SF3B1: variants seen among roughly 807,000 people sequenced by gnomAD.
The protein encoded by SF3B1 is splicing factor 3b subunit 1.
In SF3B1, 12 loss-of-function variants were observed where a neutral mutation model predicts 153.8. The observed-to-expected ratio is 0.08, with a 90% CI of 0.05 to 0.13. The LOEUF is 0.13. Among genes scored for constraint, SF3B1 ranks in the 10% least tolerant of loss-of-function variants. The probability of loss-of-function intolerance (pLI) is 1.00; values close to 1 mark genes in which losing one functional copy is unlikely to be tolerated. For synonymous variants in SF3B1, 498 were observed against 525.2 expected (o/e 0.95, Z 0.71); for missense variants, 513 against 1,606.1 (o/e 0.32, Z 11.63).
At chr2:197,405,005 C>CAAA (rs1347087441) in intron 11 of SF3B1, 71 bp downstream of exon 11, 95 of 1,124,686 alleles carry the variant, frequency 8.4e-5, no homozygotes, top group Non-Finnish European at 1.2e-4. Context: ...CCTGTCTCTA[C>CAAA]AAAAACTACA....
intron 4 of SF3B1, chr2:197,419,962 TTAAG>T: frequency 9.0e-6 from 2 of 223,100 alleles, no homozygotes; most frequent in Non-Finnish European, 1.8e-5. Flanking sequence ...TGTTTTAACT[TTAAG>T]TATGCTTAGA....
At chr2:197,392,551 A>C in intron 24 of SF3B1, 90 bp from the exon 25 acceptor site, 2 of 233,956 alleles carry the variant, frequency 8.5e-6, no homozygotes, top group Non-Finnish European at 1.5e-5. Flanking sequence ...ATGATTCAAA[A>C]TTATTTCCCT....
At chr2:197,414,332 A>G (rs2085116301) in intron 6 of SF3B1, among the ~76,000 whole-genome samples, 1 of 152,238 alleles carries the variant, frequency 6.6e-6, no homozygotes, top group Non-Finnish European at 1.5e-5. Flanking sequence ...CAAACGGTAC[A>G]TAAAGACAAG....
chr2:197,417,575 T>TAA (rs56204414), intron 5 of SF3B1, among the ~76,000 whole-genome samples: 4,656 of 99,690 alleles, frequency 0.047, 300 homozygotes, highest in African/African-American at 0.16. Context: ...CCACCTCTAC[T>TAA]AAAAAAAAAA....
chr2:197,411,588 T>C lies in SF3B1; in HGVS notation c.667-1581A>G, dbSNP rs181470131. 7.5e-3 allele frequency among the ~76,000 whole-genome samples: 1,136 copies of C among 150,964 alleles called. 4 individuals are homozygous for C. Among genetic ancestry groups the C allele is most frequent in the South Asian group, 0.025 (121 of 4,774 alleles). ...TCGGGAGGCTGAGGCAGGAGAATGGTGTGAACCCGGGAGGCAGAGTTTGCA... is the reference window on the plus strand; with the variant it reads ...TCGGGAGGCTGAGGCAGGAGAATGGCGTGAACCCGGGAGGCAGAGTTTGCA... On this transcript the variant is annotated intron_variant, in intron 6 of 24. Coordinates refer to ENST00000335508, the MANE Select transcript of SF3B1 (RefSeq NM_012433.4).
intron 1 of SF3B1, among the ~76,000 whole-genome samples, chr2:197,427,439 T>A (rs2085352159): frequency 6.6e-6 from 1 of 152,230 alleles, no homozygotes; most frequent in Non-Finnish European, 1.5e-5. Flanking sequence ...TCAGATTCCA[T>A]AAAACTCAGC....
chr2:197,412,338 T>TTTAA (rs562485125), intron 6 of SF3B1, among the ~76,000 whole-genome samples: 4,581 of 116,602 alleles, frequency 0.039, 82 homozygotes, highest in Non-Finnish European at 0.048. Flanking sequence ...GAGTCTCTGA[T>TTTAA]TTAATTTATT....
intron 6 of SF3B1, among the ~76,000 whole-genome samples, chr2:197,412,759 T>C (rs190895294): frequency 1.4e-5 from 2 of 147,420 alleles, no homozygotes; most frequent in Admixed American, 1.3e-4. Context: ...CCAAGGCGGG[T>C]GGGTCACCTG....
chr2:197,416,549 C>T, intron 6 of SF3B1, 192 bp downstream of exon 6: 1 of 518,876 alleles, frequency 1.9e-6, no homozygotes, highest in South Asian at 3.0e-5. Flanking sequence ...GCAAGAAAGC[C>T]CTCAACAAAC....
chr2:197,408,651 C>T, intron 7 of SF3B1, 70 bp from the exon 8 acceptor site: 1 of 1,044,466 alleles, frequency 9.6e-7, no homozygotes. Context: ...TATTCTCAAA[C>T]AGTTATACTC....
At chr2:197,406,373 T>A (rs1433434719) in intron 9 of SF3B1, among the ~76,000 whole-genome samples, 7 of 152,156 alleles carry the variant, frequency 4.6e-5, no homozygotes, top group Non-Finnish European at 1.0e-4. Context: ...TAAATTTATA[T>A]TGATGCTATC....
At chr2:197,407,916 A>G in intron 9 of SF3B1, 82 bp downstream of exon 9, 12 of 1,312,406 alleles carry the variant, frequency 9.1e-6, no homozygotes, top group Non-Finnish European at 1.3e-5. Flanking sequence ...GGGCAAAGCC[A>G]ATGCAAGCTT....
At chr2:197,395,976 C>T in intron 23 of SF3B1, 80 bp downstream of exon 23, 1 of 1,273,974 alleles carries the variant, frequency 7.8e-7, no homozygotes, top group African/African-American at 1.5e-5. Context: ...AGTAAAAAGT[C>T]ATCTAATAAC....
chr2:197,421,332 T>C (rs1454561437), intron 2 of SF3B1, among the ~76,000 whole-genome samples, 199 bp from the exon 3 acceptor site: 1 of 152,252 alleles, frequency 6.6e-6, no homozygotes, highest in Non-Finnish European at 1.5e-5. Context: ...AAGTTATCTT[T>C]ACTTTTAAAA....
chr2:197,398,904 A>G (rs1243962043), intron 20 of SF3B1: 1 of 515,608 alleles, frequency 1.9e-6, no homozygotes, highest in Non-Finnish European at 3.7e-6. Flanking sequence ...CCGGCCATAC[A>G]CAACAATATA....
intron 23 of SF3B1, among the ~76,000 whole-genome samples, chr2:197,395,001 GTTTTTCCTATTTATTTT>G (rs2084859665): frequency 1.3e-5 from 2 of 152,108 alleles, no homozygotes; most frequent in African/African-American, 4.8e-5. Flanking sequence ...TAATATTCTT[GTTTTTCCTATTTATTTT>G]AATAATGTCA....
intron 21 of SF3B1, 46 bp from the exon 22 acceptor site, chr2:197,398,162 G>C (rs529021129): frequency 6.6e-7 from 1 of 1,510,228 alleles, no homozygotes; most frequent in Non-Finnish European, 9.1e-7. Context: ...ATTAAGAAAA[G>C]TTTTAAGGAT....
At chr2:197,393,239 G>T in intron 23 of SF3B1, 51 bp from the exon 24 acceptor site, 2 of 1,197,822 alleles carry the variant, frequency 1.7e-6, no homozygotes, top group Non-Finnish European at 1.2e-6. Context: ...ATAAGAAAGG[G>T]GGAAAAATCC....
At chr2:197,426,424 T>C (rs2085338209) in intron 1 of SF3B1, among the ~76,000 whole-genome samples, 2 of 151,990 alleles carry the variant, frequency 1.3e-5, no homozygotes, top group Non-Finnish European at 2.9e-5. Flanking sequence ...GCCTCCCAAA[T>C]AGTTGGGATT....
Sources: allele counts gnomAD v4.1 joint callset (sites outside exome capture counted in the v4.1 genomes callset), GRCh38; gene constraint gnomAD v4.1.1; transcripts MANE v1.5; gene names NCBI Gene and HGNC (gene_info 2026-07-23, HGNC 2026-07-21).